Variants in SI observed in about 807,000 individuals in gnomAD.
SI encodes the protein sucrase-isomaltase, intestinal.
Under a neutral mutation model 253.3 loss-of-function variants are expected in SI, and 235 were observed. The observed-to-expected ratio is 0.93, with a 90% CI of 0.83 to 1.03. The LOEUF (loss-of-function observed/expected upper bound fraction) is 1.03, where lower values mean the gene tolerates loss of function less well. Among genes scored for constraint, SI ranks in the 50% least tolerant of loss-of-function variants. The pLI is 0.00. For synonymous variants in SI, 819 were observed against 712.0 expected (o/e 1.15, Z -2.39); for missense variants, 2,442 against 2,211.1 (o/e 1.10, Z -2.09).
Position 165,038,010 on chromosome 3 carries a change from T to C in SI, c.2316A>G (p.Pro772=). The C allele has an allele frequency of 1.3e-6, 2 of 1,593,886 alleles. No homozygotes were observed. Among genetic ancestry groups the C allele is most frequent in the Non-Finnish European group, 1.7e-6 (2 of 1,162,216 alleles). Reference sequence around the variant, plus strand: ...ACATATCAACCCGTTGTTTCCTCCATGGCCTTTTTGCACCCTAATAATTGG... The same window carrying C: ...ACATATCAACCCGTTGTTTCCTCCACGGCCTTTTTGCACCCTAATAATTGG... ...WYDYESGAKR[P]WRKQRVDMYL... Residue 772 remains proline, a synonymous_variant, in exon 21 of 48, where the codon CCA becomes CCG. Transcript: ENST00000264382.
intron 22 of SI, 138 bp downstream of exon 22, chr3:165,036,251 A>C (rs2108211320): frequency 1.6e-6 from 1 of 642,866 alleles, no homozygotes; most frequent in Non-Finnish European, 2.8e-6. Flanking sequence ...GTAGCCTAAA[A>C]GCCTGAAACA....
intron 37 of SI, among the ~76,000 whole-genome samples, chr3:165,000,390 C>G (rs1718203360): frequency 6.6e-6 from 1 of 151,002 alleles, no homozygotes; most frequent in Non-Finnish European, 1.5e-5. Context: ...GCAAGATGAC[C>G]ATAGTTAATA....
chr3:165,042,246 A>G (rs1451467107), intron 17 of SI, among the ~76,000 whole-genome samples: 1 of 152,046 alleles, frequency 6.6e-6, no homozygotes, highest in East Asian at 1.9e-4. Flanking sequence ...GTGTATTAGG[A>G]AGAAACTAAT....
At chr3:165,073,138 C>T (rs1714691813) in intron 3 of SI, among the ~76,000 whole-genome samples, 1 of 150,818 alleles carries the variant, frequency 6.6e-6, no homozygotes. Flanking sequence ...CCATATTGTT[C>T]CTAATAGAAT....
intron 1 of SI, 111 bp from the exon 2 acceptor site, chr3:165,076,123 G>T: frequency 1.4e-6 from 1 of 728,842 alleles, no homozygotes; most frequent in Non-Finnish European, 2.1e-6. Flanking sequence ...ATAATGCAGA[G>T]TTGAAGACAG....
intron 35 of SI, among the ~76,000 whole-genome samples, chr3:165,008,219 T>C (rs183323923): frequency 5.8e-4 from 88 of 152,144 alleles, no homozygotes; most frequent in African/African-American, 2.0e-3. Context: ...TTTTGTTTTC[T>C]CTGTATTATG....
chr3:164,992,134 C>T (rs142656939), intron 43 of SI, 43 bp downstream of exon 43: 16 of 1,487,682 alleles, frequency 1.1e-5, no homozygotes, highest in African/African-American at 5.5e-5. Context: ...AACAATTACC[C>T]GTTTCTGTTT....
chr3:165,011,309 T>C (rs1718757142), intron 34 of SI, among the ~76,000 whole-genome samples: 1 of 152,174 alleles, frequency 6.6e-6, no homozygotes, highest in Admixed American at 6.6e-5. Context: ...TGTATTTTTA[T>C]TTTTGTTTGT....
chr3:165,012,396 A>G (rs1559988572), intron 34 of SI, among the ~76,000 whole-genome samples: 1 of 151,838 alleles, frequency 6.6e-6, no homozygotes, highest in Non-Finnish European at 1.5e-5. Context: ...CTAATGTTAA[A>G]TGTTATTACT....
At position 164,998,597 on chromosome 3, in the gene SI, C is replaced by T; in HGVS notation, c.4483G>A (p.Gly1495Arg). The change falls in exon 38 of 48, where the codon GGA (glycine) becomes AGA (arginine). Residue 1495 changes from glycine (G) to arginine (R), a missense_variant. Physicochemically the swap from Gly to Arg is moderately radical, Grantham distance 125 (BLOSUM62 -2). Transcript: ENST00000264382. ...STYPTSGRWG[G>R]HWLGDNYARW... ...GCATAGTTGTCTCCAAGCCAGTGTC[C>T]TCCCCATCGTCCACTAGTAGGATAC... The T allele has an allele frequency of 6.2e-7, 1 of 1,612,144 alleles. No individual in the cohort carries two copies. The highest frequency in any genetic ancestry group is 1.1e-5 in the South Asian group (1 of 91,060).
rs754309299 is a variant in SI at position 165,067,390 on chromosome 3, G to T, written c.585C>A (p.Ala195=). 2 of 1,612,264 alleles carry T rather than the reference G, an allele frequency of 1.2e-6. No individual in the cohort carries two copies. Among genetic ancestry groups the T allele is most frequent in the Non-Finnish European group, 1.7e-6 (2 of 1,178,864 alleles). Residue 195 remains alanine (A), a synonymous_variant, in exon 6 of 48, where the codon GCC becomes GCA. Transcript: ENST00000264382. ...VSDTLYDVKV[A]QNPFSIQVIR... ...TAACTTGGATGCTAAATGGGTTTTG[G>T]GCAACCTTCACATCATACAACGTAT...
At chr3:165,006,767 GA>G (rs1439757820) in intron 37 of SI, 48 bp downstream of exon 37, 27 of 1,533,852 alleles carry the variant, frequency 1.8e-5, no homozygotes, top group Non-Finnish European at 2.3e-5. Flanking sequence ...TTAAATGTAA[GA>G]ACCAAAGAAT....
At chr3:164,982,519 T>C in intron 46 of SI, 109 bp from the exon 47 acceptor site, 1 of 799,590 alleles carries the variant, frequency 1.3e-6, no homozygotes, top group Non-Finnish European at 2.1e-6. Flanking sequence ...TAATAAATTG[T>C]TTATTTGTGC....
At chr3:165,008,293 C>A (rs1370198827) in intron 35 of SI, among the ~76,000 whole-genome samples, 3 of 151,734 alleles carry the variant, frequency 2.0e-5, no homozygotes, top group African/African-American at 7.3e-5. Context: ...ATAATATGTG[C>A]CCTATCATCT....
In SI at chr3:165,032,527, T is replaced by G. The variant is rs917262220; in HGVS notation, c.2731A>C (p.Asn911His). The change falls in exon 24 of 48, where the codon AAC becomes CAC. Residue 911 changes from asparagine (N) to histidine (H), a missense_variant. Transcript: ENST00000264382. ...TTTTAAAAGATTGTAATTACCTGGT[T>G]AGAAGCATCATAAGTGAAATTGGAA... is the stretch of plus-strand genomic sequence containing the variant. ...AHSNFTYDASNQVLLIADLKL... is the reference protein window; with the variant it reads ...AHSNFTYDASHQVLLIADLKL... 1.9e-6 allele frequency: 3 copies of G among 1,599,224 alleles called. No individual in the cohort carries two copies. Among genetic ancestry groups the G allele is most frequent in the Non-Finnish European group, 8.6e-7 (1 of 1,168,550 alleles).
intron 45 of SI, among the ~76,000 whole-genome samples, chr3:164,984,479 A>G (rs985831906): frequency 3.3e-5 from 5 of 152,106 alleles, no homozygotes; most frequent in African/African-American, 9.7e-5. Flanking sequence ...AGTTTTCATG[A>G]ACAATCTTTT....
chr3:165,043,381 G>C (rs1000312924), intron 16 of SI, among the ~76,000 whole-genome samples: 1 of 151,424 alleles, frequency 6.6e-6, no homozygotes, highest in Admixed American at 6.6e-5. Flanking sequence ...TTCCTTCATT[G>C]TCCCTTTATG....
Position 164,982,307 on chromosome 3 carries a change from G to A in SI, c.5351C>T (p.Ala1784Val). The A allele has an allele frequency of 1.2e-6, 2 of 1,612,976 alleles. No homozygotes were observed. The highest frequency in any genetic ancestry group is 1.7e-6 in the Non-Finnish European group (2 of 1,179,314). ...VWGKGTTPVNAVTLTYNGNKN... is the reference protein window; with the variant it reads ...VWGKGTTPVNVVTLTYNGNKN... ...ATTTCCGTTATACGTTAGAGTAACT[G>A]CATTGACAGGAGTAGTTCCTTTCCC... The change falls in exon 47 of 48, where the codon GCA becomes GTA. Residue 1784 changes from alanine to valine, a missense_variant. Transcript: ENST00000264382.
chr3:165,050,269 G>A (rs1316463081), intron 13 of SI, among the ~76,000 whole-genome samples: 1 of 152,084 alleles, frequency 6.6e-6, no homozygotes, highest in Non-Finnish European at 1.5e-5. Context: ...GATGTGCTAA[G>A]CACATTGCTA....
Sources: gnomAD v4.1 joint callset for allele counts (sites outside exome capture counted in the v4.1 genomes callset) on GRCh38, gnomAD v4.1.1 for gene constraint, MANE v1.5 for transcripts, NCBI Gene and HGNC (gene_info 2026-07-23, HGNC 2026-07-21) for gene names.